Variants in NRP1 observed in about 807,000 individuals in gnomAD.
The protein encoded by NRP1 is neuropilin 1, also known as neuropilin-1.
Under a neutral mutation model 106.7 loss-of-function variants are expected in NRP1, and 35 were observed. The observed-to-expected ratio is 0.33, with a 90% CI of 0.25 to 0.43. NRP1 has a LOEUF of 0.43. Ranked by LOEUF, NRP1 falls within the 20% of genes least tolerant of loss-of-function variation. The pLI is 1.00. For synonymous variants in NRP1, 437 were observed against 417.9 expected (o/e 1.05, Z -0.56); for missense variants, 1,024 against 1,170.4 (o/e 0.87, Z 1.83).
chr10:33,298,331 T>C (rs1022551531), intron 2 of NRP1, among the ~76,000 whole-genome samples: 1 of 152,154 alleles, frequency 6.6e-6, no homozygotes, highest in Non-Finnish European at 1.5e-5. Flanking sequence ...GAATGGGCTG[T>C]ACACACAGAC....
intron 2 of NRP1, among the ~76,000 whole-genome samples, chr10:33,308,653 AT>A (rs932182688): frequency 2.0e-5 from 3 of 151,676 alleles, no homozygotes; most frequent in Non-Finnish European, 4.4e-5. Flanking sequence ...TGTCCAGCTA[AT>A]TTTTTTGTAC....
intron 2 of NRP1, among the ~76,000 whole-genome samples, chr10:33,319,656 G>A (rs867550895): frequency 4.1e-5 from 6 of 146,768 alleles, no homozygotes; most frequent in East Asian, 4.1e-4. Flanking sequence ...GCACGATCTC[G>A]GCTTATTGCA....
intron 1 of NRP1, among the ~76,000 whole-genome samples, chr10:33,333,564 A>C (rs1848430210): frequency 1.3e-5 from 2 of 152,220 alleles, no homozygotes; most frequent in Admixed American, 1.3e-4. Context: ...CCTTGCCTGC[A>C]CTTACTTTAC....
At chr10:33,295,441 C>T (rs1047526258) in intron 2 of NRP1, among the ~76,000 whole-genome samples, 10 of 152,222 alleles carry the variant, frequency 6.6e-5, no homozygotes, top group African/African-American at 2.2e-4. Context: ...GGTGCAGTGG[C>T]TCACGCCTGT....
intron 2 of NRP1, among the ~76,000 whole-genome samples, chr10:33,287,546 GAA>G (rs760629541): frequency 3.3e-5 from 5 of 152,216 alleles, no homozygotes; most frequent in Non-Finnish European, 4.4e-5. Context: ...AGCTTGGAGA[GAA>G]AGAATGAACA....
Position 33,270,579 on chromosome 10 carries a change from G to A in NRP1, c.430+96C>T, listed in dbSNP as rs999569851. The stretch of plus-strand genomic sequence containing the variant: ...TGAGCTCAAGTGATCCACCTGCCTC[G>A]GCCTCCCAAAGTGCTGAGATTACAG... On this transcript the variant is annotated intron_variant, in intron 3 of 16. Coordinates refer to ENST00000374867, the MANE Select transcript of NRP1 (RefSeq NM_003873.7). 32 of 1,029,230 alleles carry A rather than the reference G, an allele frequency of 3.1e-5. No homozygotes were observed. In the African/African-American group the frequency reaches 3.1e-4, roughly 10 times the overall value. The allele number at this position is 1,029,230 out of a possible 1,614,324, so 63.8% of individuals were successfully genotyped here.
At chr10:33,189,100 A>G (rs1364848144) in intron 13 of NRP1, among the ~76,000 whole-genome samples, 1 of 150,828 alleles carries the variant, frequency 6.6e-6, no homozygotes, top group Non-Finnish European at 1.5e-5. Context: ...TGCATCACCA[A>G]CTTAAGGTAT....
chr10:33,315,967 G>A (rs1321694018), intron 2 of NRP1, among the ~76,000 whole-genome samples: 2 of 152,204 alleles, frequency 1.3e-5, no homozygotes, highest in African/African-American at 4.8e-5. Context: ...GGGAGCCACA[G>A]GGGATAAGGC....
At chr10:33,323,740 T>C (rs550171293) in intron 2 of NRP1, among the ~76,000 whole-genome samples, 5 of 152,332 alleles carry the variant, frequency 3.3e-5, no homozygotes, top group African/African-American at 1.2e-4. Context: ...TTAGGCTTAA[T>C]GATCAGTCTA....
At chr10:33,311,255 G>A (rs781499097) in intron 2 of NRP1, among the ~76,000 whole-genome samples, 5 of 152,186 alleles carry the variant, frequency 3.3e-5, no homozygotes, top group Non-Finnish European at 7.4e-5. Context: ...TACAAGTAGA[G>A]AGCACCAGCA....
At chr10:33,202,832 G>A in intron 11 of NRP1, 59 bp downstream of exon 11, 1 of 1,614,126 alleles carries the variant, frequency 6.2e-7, no homozygotes, top group Non-Finnish European at 8.5e-7. Context: ...GCGTTAGCTG[G>A]TCCCAACTAA....
intron 10 of NRP1, among the ~76,000 whole-genome samples, chr10:33,203,944 G>T (rs1486511599): frequency 1.2e-5 from 1 of 85,760 alleles, no homozygotes; most frequent in African/African-American, 3.2e-5. Context: ...GTTTCACCTT[G>T]TTAGCCAGGA....
chr10:33,328,223 G>T (rs1157993997), intron 2 of NRP1, among the ~76,000 whole-genome samples: 1 of 151,904 alleles, frequency 6.6e-6, no homozygotes, highest in Non-Finnish European at 1.5e-5. Flanking sequence ...TAACCAAAAA[G>T]GTGCTCCTTT....
chr10:33,182,723 G>A lies in NRP1; in HGVS notation c.2457C>T (p.Asn819=). The A allele has an allele frequency of 7.4e-6, 12 of 1,612,730 alleles. No individual in the cohort carries two copies. Among genetic ancestry groups the A allele is most frequent in the African/African-American group, 1.3e-5 (1 of 74,928 alleles). The change falls in exon 16 of 17, where the codon AAC becomes AAT. Residue 819 remains asparagine (N), a synonymous_variant. Transcript: ENST00000374867. ...CTGTTTCATCAATTTTAATTTCTGG[G>A]TTCTTTTTATCCAGGTCTGCTGGTT... ...CAKPADLDKK[N]PEIKIDETGS...
chr10:33,246,860 G>C (rs1028850077), intron 6 of NRP1, among the ~76,000 whole-genome samples: 5 of 152,096 alleles, frequency 3.3e-5, no homozygotes, highest in African/African-American at 7.2e-5. Flanking sequence ...AGGATAACCT[G>C]GTCCTATGTA....
intron 2 of NRP1, among the ~76,000 whole-genome samples, chr10:33,305,935 AT>A (rs904832002): frequency 6.6e-5 from 10 of 151,740 alleles, no homozygotes; most frequent in Admixed American, 4.6e-4. Context: ...CGCCCGGCTA[AT>A]TTTTGTATTT....
intron 2 of NRP1, among the ~76,000 whole-genome samples, chr10:33,284,353 A>T (rs1029368000): frequency 3.3e-5 from 5 of 152,194 alleles, no homozygotes; most frequent in Admixed American, 6.5e-5. Context: ...TATTAAGAGG[A>T]TTGATAGTGT....
At position 33,180,045 on chromosome 10, in the gene NRP1, C is replaced by T; in HGVS notation, c.*31G>A. The T allele has an allele frequency of 6.2e-7, 1 of 1,605,450 alleles. No homozygotes were observed. Among genetic ancestry groups the T allele is most frequent in the Non-Finnish European group, 8.5e-7 (1 of 1,175,214 alleles). On this transcript the variant is annotated 3_prime_UTR_variant, in exon 17 of 17. Transcript: ENST00000374867. The stretch of plus-strand genomic sequence containing the variant: ...CTCACTCCCGTCCTTCCACTTCCGT[C>T]CTTTGACTGTCTTTTCATCTCTGTC...
chr10:33,203,764 C>T (rs1195189525), intron 10 of NRP1, among the ~76,000 whole-genome samples: 3 of 107,202 alleles, frequency 2.8e-5, no homozygotes, highest in East Asian at 4.3e-4. Flanking sequence ...GACGGAGTCT[C>T]GCTCTGTCGC....
Sources: allele counts gnomAD v4.1 joint callset (sites outside exome capture counted in the v4.1 genomes callset), GRCh38; gene constraint gnomAD v4.1.1; transcripts MANE v1.5; gene names NCBI Gene and HGNC (gene_info 2026-07-23, HGNC 2026-07-21).